Variants in SBF2 observed in about 807,000 individuals in gnomAD.
The protein encoded by SBF2 is myotubularin-related protein 13.
SBF2 carries 112 observed loss-of-function variants against 225.2 expected under a neutral mutation model. The ratio of observed to expected loss-of-function variants is 0.50; its 90% CI spans 0.43 to 0.58. The LOEUF is 0.58. SBF2 is among the 20% of genes least tolerant of loss of function. The pLI is 0.00. For missense variants in SBF2, 1,996 were observed against 2,206.2 expected (o/e 0.90, Z 1.91); for synonymous variants, 763 against 773.3 (o/e 0.99, Z 0.22).
intron 16 of SBF2, among the ~76,000 whole-genome samples, chr11:9,919,722 G>A (rs1328215588): frequency 6.6e-6 from 1 of 152,050 alleles, no homozygotes; most frequent in African/African-American, 2.4e-5. Context: ...TTTCATTTCT[G>A]CCTTTTAGTT....
intron 17 of SBF2, among the ~76,000 whole-genome samples, chr11:9,886,855 TCTTACAGTA>T (rs1402944602): frequency 6.6e-6 from 1 of 152,206 alleles, no homozygotes; most frequent in African/African-American, 2.4e-5. Context: ...ACTAATGTAT[TCTTACAGTA>T]CTTAGATTGT....
chr11:10,042,880 T>C lies in SBF2; in HGVS notation c.243A>G (p.Ser81=). Residue 81 remains serine, a synonymous_variant, in exon 3 of 40, where the codon TCA becomes TCG. Coordinates refer to ENST00000256190, the MANE Select transcript of SBF2 (RefSeq NM_030962.4). The part of the protein sequence containing the change: ...TDIDSDRHYC[S]CLTFYEAEIN... ...TCTCTGCCTCATAGAAGGTTAGGCA[T>C]GAGCAGTAATGTCGATCTGAGTCAA... 1 of 1,614,050 alleles carries C rather than the reference T, an allele frequency of 6.2e-7. No homozygotes were observed. The highest frequency in any genetic ancestry group is 8.5e-7 in the Non-Finnish European group (1 of 1,179,914).
At chr11:9,980,670 T>C (rs994977038) in intron 13 of SBF2, among the ~76,000 whole-genome samples, 5 of 151,724 alleles carry the variant, frequency 3.3e-5, no homozygotes, top group East Asian at 1.9e-4. Flanking sequence ...TACTGCAAGC[T>C]CCGGTTCACG....
chr11:10,173,017 T>A (rs998823119), intron 2 of SBF2, among the ~76,000 whole-genome samples: 1 of 152,204 alleles, frequency 6.6e-6, no homozygotes, highest in Non-Finnish European at 1.5e-5. Context: ...TTCAGCAGCA[T>A]ATTGTTTAAT....
intron 32 of SBF2, among the ~76,000 whole-genome samples, chr11:9,797,435 T>C (rs1263421946): frequency 6.6e-6 from 1 of 152,252 alleles, no homozygotes; most frequent in East Asian, 1.9e-4. Context: ...TTGACTCCTA[T>C]GCAGTGGGCC....
chr11:9,957,626 A>AT (rs1350507341), intron 16 of SBF2: 1 of 151,788 alleles, frequency 6.6e-6, no homozygotes, highest in African/African-American at 2.4e-5. Flanking sequence ...TGCCCGGCTA[A>AT]TTTTTTGTAT....
At chr11:10,073,680 G>A (rs927131968) in intron 2 of SBF2, among the ~76,000 whole-genome samples, 46 of 152,086 alleles carry the variant, frequency 3.0e-4, no homozygotes, top group African/African-American at 1.1e-3. Context: ...TTGTGAGATC[G>A]CACTACTGCA....
Position 9,942,156 on chromosome 11 carries a change from C to T in SBF2, c.1860+19801G>A, listed in dbSNP as rs556981935. Among the ~76,000 whole-genome samples the T allele has an allele frequency of 3.9e-5, 6 of 152,272 alleles. No individual in the cohort carries two copies. The South Asian group carries it at 1.2e-3, about 32-fold the overall frequency. ...GCACAATCACGGCTCACTGCACCCT[C>T]GAGTGGGCTCAAGTGATTCTCCCAT... On this transcript the variant is annotated intron_variant, in intron 16 of 39. Transcript: ENST00000256190.
At chr11:9,907,486 T>C (rs1049229402) in intron 16 of SBF2, among the ~76,000 whole-genome samples, 9 of 152,170 alleles carry the variant, frequency 5.9e-5, no homozygotes, top group East Asian at 3.8e-4. Context: ...CCAAGTACAA[T>C]GTTAAGCAAA....
intron 6 of SBF2, among the ~76,000 whole-genome samples, chr11:10,007,704 C>T (rs1462608088): frequency 6.6e-6 from 1 of 152,116 alleles, no homozygotes; most frequent in African/African-American, 2.4e-5. Flanking sequence ...ACGGCTCAAA[C>T]CCCACTGCCC....
intron 2 of SBF2, among the ~76,000 whole-genome samples, chr11:10,160,984 C>T (rs376401645): frequency 7.9e-5 from 12 of 151,958 alleles, no homozygotes; most frequent in African/African-American, 2.4e-4. Context: ...GCCAGGAGTT[C>T]GAGACACGCC....
rs201951073 is a variant in SBF2 at position 9,812,633 on chromosome 11, T to C, written c.4054A>G (p.Ser1352Gly). The C allele has an allele frequency of 2.3e-4, 371 of 1,614,218 alleles. 1 individual carries two copies. The highest frequency in any genetic ancestry group is 8.1e-5 in the Non-Finnish European group (96 of 1,180,036). ...EFHEIRQVKA[S>G]FKKLMRACIP... Reference sequence around the variant, plus strand: ...CAAGCCCTCATCAGCTTCTTAAAACTGGCTTTCACTTGCCGGATTTCATGA... The same window carrying C: ...CAAGCCCTCATCAGCTTCTTAAAACCGGCTTTCACTTGCCGGATTTCATGA... Residue 1352 changes from serine to glycine, a missense_variant, in exon 30 of 40, where the codon AGT becomes GGT. By Grantham distance (56) the Ser-to-Gly change is moderately conservative (BLOSUM62 0). Coordinates refer to ENST00000256190, the MANE Select transcript of SBF2 (RefSeq NM_030962.4).
chr11:10,080,914 T>C (rs1463829571), intron 2 of SBF2, among the ~76,000 whole-genome samples: 10 of 151,946 alleles, frequency 6.6e-5, no homozygotes, highest in Non-Finnish European at 1.2e-4. Flanking sequence ...AATATAACAA[T>C]CCTAAATATA....
intron 17 of SBF2, among the ~76,000 whole-genome samples, chr11:9,883,566 G>A (rs1860005614): frequency 6.6e-6 from 1 of 152,028 alleles, no homozygotes; most frequent in Admixed American, 6.6e-5. Flanking sequence ...CATAGTATCT[G>A]GTACCTAGGA....
At chr11:10,179,170 A>T (rs911375190) in intron 2 of SBF2, among the ~76,000 whole-genome samples, 1 of 151,250 alleles carries the variant, frequency 6.6e-6, no homozygotes, top group Non-Finnish European at 1.5e-5. Flanking sequence ...CAGGAAGGGG[A>T]ACATCACACT....
chr11:10,284,196 A>T (rs1963595722), intron 1 of SBF2, among the ~76,000 whole-genome samples: 1 of 152,206 alleles, frequency 6.6e-6, no homozygotes, highest in Non-Finnish European at 1.5e-5. Context: ...GCAAAATTAA[A>T]TTACAAAATC....
At chr11:10,054,854 A>G (rs1462116963) in intron 2 of SBF2, among the ~76,000 whole-genome samples, 1 of 152,000 alleles carries the variant, frequency 6.6e-6, no homozygotes, top group Non-Finnish European at 1.5e-5. Context: ...CCACAACGAG[A>G]TACCACCATG....
At chr11:9,924,591 C>T (rs1384719030) in intron 16 of SBF2, among the ~76,000 whole-genome samples, 1 of 152,100 alleles carries the variant, frequency 6.6e-6, no homozygotes, top group South Asian at 2.1e-4. Context: ...ACCACCCCGC[C>T]CCGCTAATTT....
intron 2 of SBF2, among the ~76,000 whole-genome samples, chr11:10,107,964 A>G (rs1464284794): frequency 6.6e-6 from 1 of 152,228 alleles, no homozygotes; most frequent in African/African-American, 2.4e-5. Flanking sequence ...GATTAGAGGA[A>G]AGAATTGCAA....
Sources: gnomAD v4.1 joint callset for allele counts (sites outside exome capture counted in the v4.1 genomes callset) on GRCh38, gnomAD v4.1.1 for gene constraint, MANE v1.5 for transcripts, NCBI Gene and HGNC (gene_info 2026-07-23, HGNC 2026-07-21) for gene names.